Variants in SLC13A1 observed in about 807,000 individuals in gnomAD.
The protein encoded by SLC13A1 is Na(+)/sulfate cotransporter.
Under a neutral mutation model 70.0 loss-of-function variants are expected in SLC13A1, and 65 were observed. The observed-to-expected ratio is 0.93, with a 90% CI of 0.76 to 1.14. The LOEUF is 1.14. Ranked by LOEUF, SLC13A1 falls within the 50% of genes most tolerant of loss-of-function variation. The probability of loss-of-function intolerance (pLI) is 0.00; values close to 1 mark genes in which losing one functional copy is unlikely to be tolerated. For missense variants in SLC13A1, 726 were observed against 717.8 expected (o/e 1.01, Z -0.13); for synonymous variants, 275 against 250.5 (o/e 1.10, Z -0.92).
chr7:123,164,023 G>A (rs537551911), intron 6 of SLC13A1, among the ~76,000 whole-genome samples: 88 of 152,020 alleles, frequency 5.8e-4, no homozygotes, highest in Non-Finnish European at 1.1e-3. Flanking sequence ...GGAGAAAGAA[G>A]ACAATGAACA....
intron 1 of SLC13A1, among the ~76,000 whole-genome samples, chr7:123,184,421 T>C (rs904019985): frequency 6.6e-6 from 1 of 152,048 alleles, no homozygotes; most frequent in Non-Finnish European, 1.5e-5. Context: ...TGACACCTGA[T>C]CTCCCCAGAC....
At chr7:123,178,616 G>A (rs1795536948) in intron 2 of SLC13A1, among the ~76,000 whole-genome samples, 1 of 152,038 alleles carries the variant, frequency 6.6e-6, no homozygotes, top group Non-Finnish European at 1.5e-5. Context: ...CAAATTTTAA[G>A]CTCAGGTCTT....
chr7:123,117,935 C>T (rs891154047), intron 13 of SLC13A1, among the ~76,000 whole-genome samples: 21 of 151,102 alleles, frequency 1.4e-4, no homozygotes, highest in East Asian at 3.9e-4. Context: ...TTTACATATA[C>T]GTATATATTC....
At chr7:123,158,013 G>A (rs1488015726) in intron 6 of SLC13A1, among the ~76,000 whole-genome samples, 1 of 152,008 alleles carries the variant, frequency 6.6e-6, no homozygotes, top group African/African-American at 2.4e-5. Context: ...GTGTGTTAAA[G>A]AGAAATAGCA....
chr7:123,133,765 C>T (rs1216177269), intron 8 of SLC13A1, among the ~76,000 whole-genome samples: 2 of 152,038 alleles, frequency 1.3e-5, no homozygotes, highest in Admixed American at 6.6e-5. Flanking sequence ...ATCCTGACCA[C>T]GTGATCCAAC....
intron 7 of SLC13A1, among the ~76,000 whole-genome samples, chr7:123,146,659 G>A (rs1252168583): frequency 6.6e-6 from 1 of 152,110 alleles, no homozygotes; most frequent in Non-Finnish European, 1.5e-5. Flanking sequence ...CATATTAACA[G>A]TCATATATCT....
Position 123,181,972 on chromosome 7 carries a change from A to C in SLC13A1, c.100-871T>G, listed in dbSNP as rs151261164. ...TCTGGCACTACTGCTGTCTGATTCA[A>C]CTGCCTCAGGGTGAGTCCTTGGGGC... On this transcript the variant is annotated intron_variant, in intron 1 of 14. Coordinates refer to ENST00000194130, the MANE Select transcript of SLC13A1 (RefSeq NM_022444.4). Among the ~76,000 whole-genome samples the C allele has an allele frequency of 8.3e-3, 1,268 of 152,156 alleles. 18 individuals carry two copies. Among genetic ancestry groups the C allele is most frequent in the African/African-American group, 0.028 (1,177 of 41,518 alleles).
intron 13 of SLC13A1, among the ~76,000 whole-genome samples, chr7:123,118,644 T>C (rs113751278): frequency 3.3e-4 from 50 of 152,266 alleles, no homozygotes; most frequent in Non-Finnish European, 6.3e-4. Flanking sequence ...GCCTGAAGTG[T>C]GAGCCTAGTT....
chr7:123,122,328 G>A (rs562168927), intron 12 of SLC13A1, among the ~76,000 whole-genome samples: 2 of 152,168 alleles, frequency 1.3e-5, no homozygotes. Flanking sequence ...TTTGATGACT[G>A]AGTAAGGAAA....
intron 13 of SLC13A1, among the ~76,000 whole-genome samples, chr7:123,118,283 T>C (rs1793249748): frequency 6.6e-6 from 1 of 152,144 alleles, no homozygotes; most frequent in Non-Finnish European, 1.5e-5. Context: ...AACTGTTCCA[T>C]GTTGAGAAAT....
intron 1 of SLC13A1, among the ~76,000 whole-genome samples, chr7:123,186,291 C>T (rs1226700438): frequency 6.6e-6 from 1 of 151,862 alleles, no homozygotes; most frequent in Non-Finnish European, 1.5e-5. Flanking sequence ...GGGTGAGTAA[C>T]TTTTGGTGGA....
chr7:123,170,868 C>T (rs931346551), intron 3 of SLC13A1, among the ~76,000 whole-genome samples: 3 of 152,038 alleles, frequency 2.0e-5, no homozygotes, highest in African/African-American at 4.8e-5. Flanking sequence ...GATGAGCCAC[C>T]GTGCCCGGCC....
At chr7:123,157,613 C>G (rs749194008) in intron 6 of SLC13A1, among the ~76,000 whole-genome samples, 1 of 151,792 alleles carries the variant, frequency 6.6e-6, no homozygotes, top group African/African-American at 2.4e-5. Context: ...TGAGAAAAAC[C>G]TTGCTCTTTC....
In SLC13A1 at chr7:123,129,324, CTGTGTGTGTGTGTGTGTGTGTG is replaced by C. The variant is rs3837116; in HGVS notation, c.1031+37_1031+58del. 635 of 781,260 alleles carry C rather than the reference CTGTGTGTGTGTGTGTGTGTGTG, an allele frequency of 8.1e-4. 4 individuals are homozygous for C. The highest frequency in any genetic ancestry group is 6.5e-3 in the African/African-American group (338 of 51,838). The allele number at this position is 781,260 out of a possible 1,614,324, so 48.4% of individuals were successfully genotyped here. ...AGTGTAAACAGCATTTCTCTCTTCT[CTGTGTGTGTGTGTGTGTGTGTG>C]TGTGTGTGTGTGTGTGTGTGTGTGT... On this transcript the variant is annotated intron_variant, in intron 9 of 14. Transcript: ENST00000194130.
At chr7:123,169,800 G>A (rs940198012) in intron 3 of SLC13A1, among the ~76,000 whole-genome samples, 10 of 152,000 alleles carry the variant, frequency 6.6e-5, no homozygotes, top group Admixed American at 5.2e-4. Context: ...GTGTCAAGGA[G>A]GTACAAGGAC....
chr7:123,181,706 A>T (rs1795647332), intron 1 of SLC13A1, among the ~76,000 whole-genome samples: 1 of 152,112 alleles, frequency 6.6e-6, no homozygotes, highest in Non-Finnish European at 1.5e-5. Flanking sequence ...ATAAAACTAT[A>T]GGTTCATGTT....
chr7:123,195,981 T>C (rs573212167), intron 1 of SLC13A1, among the ~76,000 whole-genome samples: 1 of 151,982 alleles, frequency 6.6e-6, no homozygotes, highest in African/African-American at 2.4e-5. Context: ...GTTTCATGAA[T>C]AAAAATACAA....
In SLC13A1 at chr7:123,125,607, G is replaced by C; in HGVS notation, c.1202C>G (p.Ala401Gly). 1 of 1,612,916 alleles carries C rather than the reference G, an allele frequency of 6.2e-7. No homozygotes were observed. The highest frequency in any genetic ancestry group is 8.5e-7 in the Non-Finnish European group (1 of 1,179,310). The change falls in exon 11 of 15, where the codon GCT (alanine) becomes GGT (glycine). Residue 401 changes from alanine to glycine, a missense_variant. Coordinates refer to ENST00000194130, the MANE Select transcript of SLC13A1 (RefSeq NM_022444.4). ...LIGLLFFLIPAKTLTKTTPTG... is the reference protein window; with the variant it reads ...LIGLLFFLIPGKTLTKTTPTG... ...AGGTGTAGTTTTAGTCAGTGTCTTA[G>C]CTGGGATAAGAAAGAATAGCAGCCC...
rs749019665 is a variant in SLC13A1 at position 123,125,595 on chromosome 7, G to A, written c.1214C>T (p.Thr405Ile). Residue 405 changes from threonine (T) to isoleucine (I), a missense_variant, in exon 11 of 15, where the codon ACT (threonine) becomes ATT (isoleucine). By Grantham distance (89) the Thr-to-Ile change is moderately conservative. Transcript: ENST00000194130. ...LFFLIPAKTL[T>I]KTTPTGEIVA... ...AATTTCTCCTGTAGGTGTAGTTTTAGTCAGTGTCTTAGCTGGGATAAGAAA... is the reference window on the plus strand; with the variant it reads ...AATTTCTCCTGTAGGTGTAGTTTTAATCAGTGTCTTAGCTGGGATAAGAAA... The A allele has an allele frequency of 3.7e-6, 6 of 1,611,876 alleles. No homozygotes were observed. The highest frequency in any genetic ancestry group is 5.1e-6 in the Non-Finnish European group (6 of 1,178,690).
Sources: allele counts gnomAD v4.1 joint callset (sites outside exome capture counted in the v4.1 genomes callset), GRCh38; gene constraint gnomAD v4.1.1; transcripts MANE v1.5; gene names NCBI Gene and HGNC (gene_info 2026-07-23, HGNC 2026-07-21).